The following ASAP3 variants were observed in gnomAD, a reference collection of about 807,000 sequenced individuals.
ASAP3 encodes the protein arf-GAP with SH3 domain, ANK repeat and PH domain-containing protein 3.
A neutral mutation model predicts 118.2 loss-of-function variants in ASAP3; 85 were observed. That is an observed-to-expected ratio of 0.72 (90% CI 0.60 to 0.86). ASAP3 has a LOEUF of 0.86. Ranked by LOEUF, ASAP3 falls within the 40% of genes least tolerant of loss-of-function variation. ASAP3 has a pLI of 0.00. For missense variants in ASAP3, 1,026 were observed against 1,175.0 expected, an observed-to-expected ratio of 0.87 and a Z score of 1.85; for synonymous variants, 432 against 477.4, an observed-to-expected ratio of 0.90 and a Z score of 1.24.
chr1:23,429,755 G>C lies in ASAP3; in HGVS notation c.*101C>G. On this transcript the variant is annotated 3_prime_UTR_variant, in exon 25 of 25. Coordinates refer to ENST00000336689, the MANE Select transcript of ASAP3 (RefSeq NM_017707.4). Reference sequence around the variant, plus strand: ...GAGGCACAAGGGACAGAGAGAGTGAGATCCAAGAGAACAAATGTCTCAGCT... The same window carrying C: ...GAGGCACAAGGGACAGAGAGAGTGACATCCAAGAGAACAAATGTCTCAGCT... 2 of 1,194,596 alleles carry C rather than the reference G, an allele frequency of 1.7e-6. No homozygotes were observed. The highest frequency in any genetic ancestry group is 2.9e-5 in the South Asian group (2 of 68,530). 74.0% of individuals were successfully genotyped at this position (1,194,596 alleles called of 1,614,324 possible). A position where few individuals can be genotyped will look rare whatever the true frequency, so the allele number is the denominator to read the frequency against.
rs1183315113 is a variant in ASAP3 at position 23,429,791 on chromosome 1, G to C, written c.*65C>G. 6.6e-7 allele frequency: 1 copy of C among 1,511,088 alleles called. No homozygotes were observed. Among genetic ancestry groups the C allele is most frequent in the Non-Finnish European group, 9.1e-7 (1 of 1,102,234 alleles). 93.6% of individuals were successfully genotyped at this position (1,511,088 alleles called of 1,614,324 possible). A position where few individuals can be genotyped will look rare whatever the true frequency, so the allele number is the denominator to read the frequency against. ...ACAAATGTCTCAGCTCCCCAGTTTT[G>C]TGAGCTCAAGTCCCAGCTCTGAACA... On this transcript the variant is annotated 3_prime_UTR_variant, in exon 25 of 25. Transcript: ENST00000336689.
At chr1:23,484,250 C>T (rs1287222041), upstream of ASAP3, 1 of 1,004,268 alleles carries the variant, frequency 1.0e-6, no homozygotes, top group Admixed American at 4.6e-5. Context: ...CGCCCCGCCC[C>T]TCCGCACGCC....
chr1:23,439,333 A>G, intron 10 of ASAP3, 103 bp from the exon 11 acceptor site: 1 of 1,030,202 alleles, frequency 9.7e-7, no homozygotes. Context: ...CTCTAGCCAC[A>G]TCCCTTTACC....
At chr1:23,439,284 AG>A (rs1177751790) in intron 10 of ASAP3, 54 bp from the exon 11 acceptor site, 1 of 1,567,568 alleles carries the variant, frequency 6.4e-7, no homozygotes. Context: ...CCTAGTTCGC[AG>A]GTGTCAGAGA....
At chr1:23,448,366 G>A (rs1237531223) in intron 5 of ASAP3, among the ~76,000 whole-genome samples, 3 of 152,182 alleles carry the variant, frequency 2.0e-5, no homozygotes, top group African/African-American at 7.2e-5. Context: ...CCCTGCCAGG[G>A]AGAATAAATC....
In ASAP3 at chr1:23,484,163, G is replaced by C. The variant is rs909277510; in HGVS notation, c.-30C>G. 26 of 1,252,498 alleles carry C rather than the reference G, an allele frequency of 2.1e-5. No individual in the cohort carries two copies. The highest frequency in any genetic ancestry group is 2.6e-5 in the Non-Finnish European group (26 of 999,432). The allele number at this position is 1,252,498 out of a possible 1,614,324, so 77.6% of individuals were successfully genotyped here. On this transcript the variant is annotated 5_prime_UTR_variant, in exon 1 of 25. Transcript: ENST00000336689. ...GGCGCGAGCGTGGAGCTGCCGGAGC[G>C]GGGCGCGGGGGGCACTGAGCTGCTC...
At chr1:23,447,047 A>G (rs572259337) in intron 5 of ASAP3, among the ~76,000 whole-genome samples, 130 of 152,270 alleles carry the variant, frequency 8.5e-4, no homozygotes, top group African/African-American at 3.0e-3. Context: ...TCGTGCTTCT[A>G]TGAAAATCTA....
chr1:23,475,792 G>A lies in ASAP3; in HGVS notation c.129+8213C>T, dbSNP rs148036365. ...TTGAAACCAGCCTAGGCAACACAGC[G>A]AGACCTCATCTTTACCAAGAGAAGA... On this transcript the variant is annotated intron_variant, in intron 1 of 24. Transcript: ENST00000336689. 3.4e-3 allele frequency among the ~76,000 whole-genome samples: 517 copies of A among 152,236 alleles called. 2 individuals carry two copies. The highest frequency in any genetic ancestry group is 5.2e-3 in the Non-Finnish European group (356 of 68,026).
intron 3 of ASAP3, 98 bp from the exon 4 acceptor site, chr1:23,452,869 G>T: frequency 8.4e-7 from 1 of 1,191,216 alleles, no homozygotes; most frequent in Non-Finnish European, 1.2e-6. Context: ...AAAGAGAGCA[G>T]CGGGGAAGGG....
intron 1 of ASAP3, among the ~76,000 whole-genome samples, chr1:23,458,702 GA>G (rs926225166): frequency 2.3e-4 from 32 of 139,584 alleles, no homozygotes; most frequent in Middle Eastern, 3.8e-3. Flanking sequence ...AACAGAAAAA[GA>G]AAAAAAAAAA....
chr1:23,477,824 T>C (rs949198557), intron 1 of ASAP3, among the ~76,000 whole-genome samples: 3 of 152,120 alleles, frequency 2.0e-5, no homozygotes, highest in African/African-American at 4.8e-5. Flanking sequence ...AGTGATCCTC[T>C]CACCTCGGCC....
chr1:23,445,337 A>G (rs1465793770), intron 5 of ASAP3, among the ~76,000 whole-genome samples: 1 of 152,152 alleles, frequency 6.6e-6, no homozygotes, highest in Non-Finnish European at 1.5e-5. Flanking sequence ...AGAAAAATTT[A>G]AAAATGATCC....
intron 3 of ASAP3, among the ~76,000 whole-genome samples, chr1:23,454,185 AT>A (rs66675239): frequency 0.71 from 71,355 of 100,070 alleles, 24,382 homozygotes; most frequent in Middle Eastern, 0.81. Flanking sequence ...CACACCTGGC[AT>A]TTTTTTTTTT....
intron 1 of ASAP3, among the ~76,000 whole-genome samples, chr1:23,464,386 C>A (rs956872395): frequency 2.6e-5 from 4 of 151,648 alleles, no homozygotes; most frequent in African/African-American, 9.7e-5. Context: ...GGGGTTTCGC[C>A]ATGTTGGCCA....
chr1:23,439,316 G>A, intron 10 of ASAP3, 86 bp from the exon 11 acceptor site: 1 of 1,231,510 alleles, frequency 8.1e-7, no homozygotes, highest in Non-Finnish European at 1.2e-6. Context: ...GCCCCCACCT[G>A]TATGATCTCT....
chr1:23,477,376 CAAAAAAA>C (rs11367585), intron 1 of ASAP3, among the ~76,000 whole-genome samples: 3 of 64,700 alleles, frequency 4.6e-5, no homozygotes, highest in African/African-American at 1.8e-4. Context: ...GACTCCATCT[CAAAAAAA>C]AAAAAAAAAA....
At chr1:23,459,170 C>CAAAAA (rs59149141) in intron 1 of ASAP3, among the ~76,000 whole-genome samples, 9 of 68,168 alleles carry the variant, frequency 1.3e-4, no homozygotes, top group Middle Eastern at 0.01. Flanking sequence ...GACTCCATCT[C>CAAAAA]AAAAAAAAAA....
intron 3 of ASAP3, among the ~76,000 whole-genome samples, chr1:23,455,214 C>T (rs1436012125): frequency 1.3e-5 from 2 of 152,198 alleles, no homozygotes; most frequent in Non-Finnish European, 2.9e-5. Flanking sequence ...ACAGTCACAC[C>T]AGCCCCACAG....
chr1:23,442,688 A>T, intron 5 of ASAP3, 76 bp from the exon 6 acceptor site: 1 of 1,551,694 alleles, frequency 6.4e-7, no homozygotes, highest in Non-Finnish European at 8.7e-7. Context: ...ATGCATGAGC[A>T]AAGGGGCCAC....
Sources: allele counts gnomAD v4.1 joint callset (sites outside exome capture counted in the v4.1 genomes callset), GRCh38; gene constraint gnomAD v4.1.1; transcripts MANE v1.5; gene names NCBI Gene and HGNC (gene_info 2026-07-23, HGNC 2026-07-21).